Variants in LRRC34 observed in about 807,000 individuals in gnomAD.
The protein encoded by LRRC34 is leucine-rich repeat-containing protein 34.
In LRRC34, 44 loss-of-function variants were observed where a neutral mutation model predicts 48.5. The ratio of observed to expected loss-of-function variants is 0.91; its 90% CI spans 0.71 to 1.17. LRRC34 has a LOEUF of 1.17. LRRC34 is among the 50% of genes most tolerant of loss of function. The pLI is 0.00. For missense variants in LRRC34, 502 were observed against 563.0 expected (o/e 0.89, Z 1.10); for synonymous variants, 192 against 197.6 (o/e 0.97, Z 0.24).
At chr3:169,806,502 A>G (rs1401646971) in intron 5 of LRRC34, among the ~76,000 whole-genome samples, 1 of 152,086 alleles carries the variant, frequency 6.6e-6, no homozygotes, top group Non-Finnish European at 1.5e-5. Context: ...AAAGATGGAG[A>G]GGGATTGCTA....
At chr3:169,803,712 G>A (rs114609282) in intron 6 of LRRC34, among the ~76,000 whole-genome samples, 3,548 of 152,274 alleles carry the variant, frequency 0.023, 92 homozygotes, top group African/African-American at 0.063. Context: ...GATTATAGGC[G>A]TGAGCCACTG....
At chr3:169,804,865 C>CA (rs1162602691) in intron 5 of LRRC34, among the ~76,000 whole-genome samples, 1 of 152,198 alleles carries the variant, frequency 6.6e-6, no homozygotes, top group African/African-American at 2.4e-5. Context: ...AGTACATTCA[C>CA]AATATTGCAC....
chr3:169,806,209 T>C (rs1779366859), intron 5 of LRRC34, among the ~76,000 whole-genome samples: 1 of 152,198 alleles, frequency 6.6e-6, no homozygotes, highest in Non-Finnish European at 1.5e-5. Context: ...CAAATGGTGT[T>C]AGGACACGTG....
chr3:169,796,937 T>G (rs1779012760), intron 7 of LRRC34, 38 bp from the exon 8 acceptor site: 1 of 1,443,522 alleles, frequency 6.9e-7, no homozygotes. Context: ...AAATATAATT[T>G]TGAAGTAGTA....
At chr3:169,796,015 C>A in intron 9 of LRRC34, 199 bp downstream of exon 9, 1 of 1,251,446 alleles carries the variant, frequency 8.0e-7, no homozygotes, top group Non-Finnish European at 1.0e-6. Context: ...TTGAAGGAAT[C>A]GTTAATAGAA....
intron 10 of LRRC34, 130 bp downstream of exon 10, chr3:169,795,355 A>G: frequency 1.1e-6 from 1 of 921,284 alleles, no homozygotes; most frequent in Non-Finnish European, 1.5e-6. Context: ...TAATTTTAAG[A>G]CTTATGTTAA....
chr3:169,795,528 T>A lies in LRRC34; in HGVS notation c.1148A>T (p.His383Leu). The A allele has an allele frequency of 6.2e-7, 1 of 1,612,600 alleles. No homozygotes were observed. Among genetic ancestry groups the A allele is most frequent in the Non-Finnish European group, 8.5e-7 (1 of 1,179,046 alleles). The change falls in exon 10 of 11, where the codon CAT becomes CTT. Residue 383 changes from histidine to leucine, a missense_variant. By Grantham distance (99) the His-to-Leu change is moderately conservative. Transcript: ENST00000446859. Reference protein sequence around the residue: ...QSMKTNLTFSHIYIWGNKFDE... With the variant: ...QSMKTNLTFSLIYIWGNKFDE... Reference sequence around the variant, plus strand: ...AAATTTGTTTCCCCAAATGTAGATATGAGAGAAAGTGAGATTTGTTTTCAT... The same window carrying A: ...AAATTTGTTTCCCCAAATGTAGATAAGAGAGAAAGTGAGATTTGTTTTCAT...
intron 1 of LRRC34, 50 bp from the exon 2 acceptor site, chr3:169,808,795 TA>T (rs752563567): frequency 3.5e-5 from 37 of 1,062,512 alleles, no homozygotes; most frequent in Middle Eastern, 2.6e-4. Flanking sequence ...CTAGAAGCTT[TA>T]AAAAAAACCA....
intron 7 of LRRC34, 175 bp from the exon 8 acceptor site, chr3:169,797,074 G>T: frequency 2.4e-6 from 1 of 420,482 alleles, no homozygotes; most frequent in Non-Finnish European, 4.0e-6. Context: ...TGCCACAAAT[G>T]ATATTTTTTA....
rs1779633116 is a variant in LRRC34 at position 169,812,540 on chromosome 3, C to A, written c.9G>T (p.Ala3=). The stretch of plus-strand genomic sequence containing the variant: ...TCTCACCCACTGGCCGCGGCGGCTG[C>A]GCTGCCATGGCGACCGCGCGCGCAC... MA[A]QPPRPVGERS... The change falls in exon 1 of 11, where the codon GCG becomes GCT. Residue 3 remains alanine (A), a synonymous_variant. Coordinates refer to ENST00000446859, the MANE Select transcript of LRRC34 (RefSeq NM_001172779.2). This position sits in a 1 kb window ranked among gnomAD's most constrained non-coding sequence, Gnocchi z 4.3. The A allele has an allele frequency of 1.6e-5, 24 of 1,497,216 alleles. No individual in the cohort carries two copies. The highest frequency in any genetic ancestry group is 2.0e-5 in the Non-Finnish European group (23 of 1,131,258). The allele number at this position is 1,497,216 out of a possible 1,614,324, so 92.7% of individuals were successfully genotyped here. A position where few individuals can be genotyped will look rare whatever the true frequency, so the allele number is the denominator to read the frequency against.
chr3:169,803,905 A>T, intron 6 of LRRC34, 148 bp downstream of exon 6: 1 of 554,372 alleles, frequency 1.8e-6, no homozygotes, highest in Non-Finnish European at 2.9e-6. Flanking sequence ...TGATTTTATT[A>T]ATAATCTGCA....
intron 10 of LRRC34, chr3:169,794,707 C>G (rs1778930122): frequency 6.6e-6 from 1 of 152,240 alleles, no homozygotes; most frequent in South Asian, 2.1e-4. Flanking sequence ...AGCCACGATC[C>G]TTAGTATCTA....
intron 5 of LRRC34, among the ~76,000 whole-genome samples, chr3:169,804,890 G>C (rs111960134): frequency 6.6e-6 from 1 of 152,118 alleles, no homozygotes; most frequent in African/African-American, 2.4e-5. Context: ...ATCACCTGTA[G>C]CTAGTTCCAA....
chr3:169,804,776 C>G (rs1206997808), intron 5 of LRRC34, among the ~76,000 whole-genome samples: 1 of 152,142 alleles, frequency 6.6e-6, no homozygotes, highest in Admixed American at 6.5e-5. Flanking sequence ...AAAATTATAG[C>G]ACTTCACTTT....
intron 7 of LRRC34, among the ~76,000 whole-genome samples, chr3:169,799,992 C>T (rs753625283): frequency 7.2e-5 from 11 of 152,180 alleles, no homozygotes; most frequent in Non-Finnish European, 1.5e-4. Context: ...GGATTACAGA[C>T]GTGAGCCACC....
At chr3:169,807,758 A>C in intron 2 of LRRC34, 49 bp from the exon 3 acceptor site, 4 of 1,487,422 alleles carry the variant, frequency 2.7e-6, no homozygotes, top group Non-Finnish European at 2.7e-6. Flanking sequence ...TTGAAATAGA[A>C]ACCCAGTAAA....
intron 5 of LRRC34, 75 bp from the exon 6 acceptor site, chr3:169,804,256 T>C: frequency 1.6e-6 from 2 of 1,221,900 alleles, no homozygotes; most frequent in Non-Finnish European, 1.1e-6. Context: ...TAGGAGACTG[T>C]ATTACTATTT....
At chr3:169,801,561 C>T (rs1052873232) in intron 6 of LRRC34, among the ~76,000 whole-genome samples, 2 of 152,130 alleles carry the variant, frequency 1.3e-5, no homozygotes, top group African/African-American at 4.8e-5. Flanking sequence ...TTTGCTTTTT[C>T]CATGATTTTC....
chr3:169,803,350 G>A (rs570596735), intron 6 of LRRC34, among the ~76,000 whole-genome samples: 6 of 152,300 alleles, frequency 3.9e-5, no homozygotes, highest in African/African-American at 1.2e-4. Flanking sequence ...GAATAGCTGG[G>A]ACTACAGGTG....
Sources: allele counts gnomAD v4.1 joint callset (sites outside exome capture counted in the v4.1 genomes callset), GRCh38; gene constraint gnomAD v4.1.1; non-coding constraint Gnocchi (gnomAD v3.1); transcripts MANE v1.5; gene names NCBI Gene and HGNC (gene_info 2026-07-23, HGNC 2026-07-21).